RBFOX1: variants seen among roughly 807,000 people sequenced by gnomAD.
The protein encoded by RBFOX1 is RNA binding fox-1 homolog 1, also known as RNA binding protein fox-1 homolog 1.
In RBFOX1, 8 loss-of-function variants were observed where a neutral mutation model predicts 57.7. That is an observed-to-expected ratio of 0.14 (90% confidence interval 0.08 to 0.25). RBFOX1 has a LOEUF of 0.25. Among genes scored for constraint, RBFOX1 ranks in the 10% least tolerant of loss-of-function variants. The pLI is 1.00. For synonymous variants in RBFOX1, 326 were observed against 222.4 expected (o/e 1.47, Z -4.15); for missense variants, 611 against 548.5 (o/e 1.11, Z -1.14).
intron 3 of RBFOX1, among the ~76,000 whole-genome samples, chr16:6,807,542 G>A (rs1165692594): frequency 6.6e-6 from 1 of 152,118 alleles, no homozygotes; most frequent in Non-Finnish European, 1.5e-5. Context: ...CTATGGCGGA[G>A]TGTGGTGGCT....
At chr16:5,903,318 G>T (rs1282293389) in intron 4 of RBFOX1, among the ~76,000 whole-genome samples, 1 of 152,146 alleles carries the variant, frequency 6.6e-6, no homozygotes, top group Non-Finnish European at 1.5e-5. Context: ...TGCTGTGCAT[G>T]CTCCAGTATC....
At chr16:7,267,377 A>G (rs572963010) in intron 4 of RBFOX1, among the ~76,000 whole-genome samples, 1 of 151,806 alleles carries the variant, frequency 6.6e-6, no homozygotes, top group South Asian at 2.1e-4. Context: ...TCTACTAAAA[A>G]TATAAAAAAT....
chr16:7,484,865 C>T (rs367898705), intron 4 of RBFOX1, among the ~76,000 whole-genome samples: 2 of 152,200 alleles, frequency 1.3e-5, no homozygotes, highest in African/African-American at 4.8e-5. Context: ...TTAATGGCCA[C>T]CTTTGGGCTA....
intron 1 of RBFOX1, among the ~76,000 whole-genome samples, chr16:5,444,438 G>A (rs1187976286): frequency 6.6e-6 from 1 of 152,210 alleles, no homozygotes; most frequent in Non-Finnish European, 1.5e-5. Context: ...GACAAACAGA[G>A]CATGAAGAAA....
At position 6,335,376 on chromosome 16, in the gene RBFOX1, G is replaced by A. The variant is rs919044520; in HGVS notation, c.-64+18319G>A. Reference sequence around the variant, plus strand: ...TAAACAAATACGTCCTCAGAGAAGAGAGCCAGGAGAGGGAGGAAGTTCTAG... The same window carrying A: ...TAAACAAATACGTCCTCAGAGAAGAAAGCCAGGAGAGGGAGGAAGTTCTAG... On this transcript the variant is annotated intron_variant, in intron 2 of 15. Transcript: ENST00000550418. Among the ~76,000 whole-genome samples the A allele has an allele frequency of 3.9e-5, 6 of 152,184 alleles. No individual in the cohort carries two copies. In the East Asian group the frequency reaches 1.2e-3, roughly 29 times the overall value.
chr16:7,230,122 A>C (rs1003196863), intron 4 of RBFOX1, among the ~76,000 whole-genome samples: 1 of 151,224 alleles, frequency 6.6e-6, no homozygotes, highest in Non-Finnish European at 1.5e-5. Flanking sequence ...AGAGATGGAA[A>C]GGAGGGAAGG....
intron 4 of RBFOX1, among the ~76,000 whole-genome samples, chr16:7,284,371 C>T (rs568564359): frequency 6.6e-6 from 1 of 152,166 alleles, no homozygotes; most frequent in African/African-American, 2.4e-5. Flanking sequence ...TGCTCTGTAT[C>T]CCAGGCTGTA....
intron 2 of RBFOX1, among the ~76,000 whole-genome samples, chr16:6,370,265 G>A (rs1279067661): frequency 1.3e-5 from 2 of 149,016 alleles, no homozygotes; most frequent in Non-Finnish European, 3.0e-5. Context: ...GGCTGAGGCA[G>A]GAGAATAGTG....
chr16:7,014,643 G>A (rs1178167575), intron 3 of RBFOX1, among the ~76,000 whole-genome samples: 1 of 152,140 alleles, frequency 6.6e-6, no homozygotes, highest in African/African-American at 2.4e-5. Flanking sequence ...ATATATTTTG[G>A]ATTTGATTCT....
intron 4 of RBFOX1, among the ~76,000 whole-genome samples, chr16:5,988,433 T>G (rs2060323163): frequency 6.6e-6 from 1 of 152,216 alleles, no homozygotes. Context: ...TTTATTTACT[T>G]TTGGGAGGCA....
At chr16:6,759,978 A>G (rs2076372624) in intron 3 of RBFOX1, among the ~76,000 whole-genome samples, 1 of 152,184 alleles carries the variant, frequency 6.6e-6, no homozygotes, top group Non-Finnish European at 1.5e-5. Context: ...GCCCTTGTGG[A>G]GTCTCTGAAT....
intron 4 of RBFOX1, among the ~76,000 whole-genome samples, chr16:7,286,129 T>C (rs1328516409): frequency 6.6e-6 from 1 of 152,216 alleles, no homozygotes; most frequent in African/African-American, 2.4e-5. Context: ...AATGAGTGAA[T>C]GCATGAATAC....
intron 4 of RBFOX1, 112 bp from the exon 5 acceptor site, chr16:7,518,035 T>C (rs988464082): frequency 6.7e-5 from 90 of 1,335,838 alleles, no homozygotes; most frequent in Non-Finnish European, 8.9e-5. Flanking sequence ...GGCACCATGG[T>C]GACCCCTAGA....
chr16:6,617,042 G>T (rs760528249), intron 2 of RBFOX1, among the ~76,000 whole-genome samples: 3 of 151,982 alleles, frequency 2.0e-5, no homozygotes, highest in Non-Finnish European at 4.4e-5. Context: ...GTTGATTACC[G>T]GTATACAGTG....
intron 1 of RBFOX1, among the ~76,000 whole-genome samples, chr16:5,372,314 C>A (rs1270834055): frequency 6.6e-6 from 1 of 152,138 alleles, no homozygotes; most frequent in Non-Finnish European, 1.5e-5. Flanking sequence ...CTCAGTGAAA[C>A]CCTCTTCAAT....
At chr16:6,023,127 G>A (rs554411898) in intron 1 of RBFOX1, among the ~76,000 whole-genome samples, 18 of 152,198 alleles carry the variant, frequency 1.2e-4, no homozygotes, top group South Asian at 4.2e-4. Flanking sequence ...CTTGCTGTCC[G>A]TAGAACGTAC....
chr16:7,219,429 T>C (rs996269049), intron 4 of RBFOX1, among the ~76,000 whole-genome samples: 9 of 152,228 alleles, frequency 5.9e-5, no homozygotes, highest in Admixed American at 5.9e-4. Context: ...GTTGAAAGTT[T>C]GGGGGGAAAG....
intron 3 of RBFOX1, among the ~76,000 whole-genome samples, chr16:7,002,224 A>G (rs964561774): frequency 5.3e-5 from 8 of 152,206 alleles, no homozygotes; most frequent in Non-Finnish European, 8.8e-5. Context: ...TGATGCTGTC[A>G]CTTGAGGCCC....
chr16:6,092,500 T>C (rs534819425), intron 1 of RBFOX1: 1 of 152,352 alleles, frequency 6.6e-6, no homozygotes, highest in South Asian at 2.1e-4. Flanking sequence ...CATCTTCACG[T>C]GCTTCGTGTT....
Sources: allele counts gnomAD v4.1 joint callset (sites outside exome capture counted in the v4.1 genomes callset), GRCh38; gene constraint gnomAD v4.1.1; transcripts MANE v1.5; gene names NCBI Gene and HGNC (gene_info 2026-07-23, HGNC 2026-07-21).